Variants in UBE3C observed in about 807,000 individuals in gnomAD.
UBE3C encodes the protein ubiquitin protein ligase E3C.
UBE3C carries 42 observed loss-of-function variants against 129.4 expected under a neutral mutation model. The ratio of observed to expected loss-of-function variants is 0.32; its 90% CI spans 0.25 to 0.42. The LOEUF (loss-of-function observed/expected upper bound fraction) is 0.42, where lower values mean the gene tolerates loss of function less well. Ranked by LOEUF, UBE3C falls within the 10% of genes least tolerant of loss-of-function variation. UBE3C has a pLI of 1.00. For missense variants in UBE3C, 1,049 were observed against 1,319.1 expected, an observed-to-expected ratio of 0.80 and a Z score of 3.17; for synonymous variants, 510 against 492.4, an observed-to-expected ratio of 1.04 and a Z score of -0.47.
chr7:157,225,688 C>A, intron 17 of UBE3C, 149 bp downstream of exon 17: 1 of 927,008 alleles, frequency 1.1e-6, no homozygotes, highest in Non-Finnish European at 1.5e-6. Context: ...GCAGCTCACA[C>A]CTATAATCCC....
chr7:157,224,189 A>G (rs1198208113), intron 16 of UBE3C, among the ~76,000 whole-genome samples: 4 of 151,324 alleles, frequency 2.6e-5, no homozygotes. Flanking sequence ...ACACTACTTT[A>G]TTTTTTTTGT....
chr7:157,208,055 CTTTTTTTTTTTTTTTTTT>C lies in UBE3C; in HGVS notation c.1809+140_1809+157del, dbSNP rs35366316. On this transcript the variant is annotated intron_variant, in intron 13 of 22. Coordinates refer to ENST00000348165, the MANE Select transcript of UBE3C (RefSeq NM_014671.3). ...TTCAGACATGTTTTAATTTGCAAGA[CTTTTTTTTTTTTTTTTTT>C]TTTTTTTTTTTTTTTTTTTGATACA... The C allele has an allele frequency of 4.3e-3, 398 of 93,638 alleles. 4 individuals carry two copies. The highest frequency in any genetic ancestry group is 8.4e-3 in the Non-Finnish European group (327 of 39,098). 5.8% of individuals were successfully genotyped at this position (93,638 alleles called of 1,614,324 possible). A position where few individuals can be genotyped will look rare whatever the true frequency, so the allele number is the denominator to read the frequency against.
intron 1 of UBE3C, among the ~76,000 whole-genome samples, chr7:157,140,664 A>C (rs1247069316): frequency 6.6e-6 from 1 of 152,162 alleles, no homozygotes; most frequent in Non-Finnish European, 1.5e-5. Context: ...CTAGTGGCAG[A>C]CCATCTGAGA....
intron 13 of UBE3C, among the ~76,000 whole-genome samples, chr7:157,215,233 G>C (rs953876153): frequency 2.0e-5 from 3 of 152,028 alleles, no homozygotes; most frequent in African/African-American, 4.8e-5. Context: ...GTCATTCAAG[G>C]GGTGTCCACA....
At chr7:157,182,062 A>G in intron 7 of UBE3C, 46 bp from the exon 8 acceptor site, 1 of 1,485,162 alleles carries the variant, frequency 6.7e-7, no homozygotes, top group Non-Finnish European at 9.0e-7. Flanking sequence ...GATTGGATGG[A>G]CAGTATAATT....
At chr7:157,197,506 T>C in intron 10 of UBE3C, 2 of 816,484 alleles carry the variant, frequency 2.4e-6, no homozygotes, top group South Asian at 2.8e-5. Context: ...ATAAAAATAA[T>C]TTGTTTTTTT....
intron 1 of UBE3C, among the ~76,000 whole-genome samples, chr7:157,145,196 G>C (rs1250551809): frequency 6.6e-6 from 1 of 151,752 alleles, no homozygotes; most frequent in East Asian, 1.9e-4. Context: ...AGCCTGGATT[G>C]TGCCAGCGCA....
chr7:157,197,394 A>C (rs796990999), intron 10 of UBE3C, among the ~76,000 whole-genome samples: 73 of 152,200 alleles, frequency 4.8e-4, no homozygotes, highest in African/African-American at 1.5e-3. Context: ...TCAACTAAAA[A>C]CTCAAACATA....
chr7:157,211,804 T>C (rs920351496), intron 13 of UBE3C, among the ~76,000 whole-genome samples: 1 of 152,148 alleles, frequency 6.6e-6, no homozygotes, highest in African/African-American at 2.4e-5. Context: ...TAAGGGATCA[T>C]AAATGAATTC....
Position 157,267,687 on chromosome 7 carries a change from G to C in UBE3C, c.3184G>C (p.Asp1062His). ...MNLLKLPEFY[D>H]ETLLRSKLLY... ...CCTGCTGAAGCTCCCCGAGTTCTATGACGAGACACTTTTGCGAAGTAAACT... is the reference window on the plus strand; with the variant it reads ...CCTGCTGAAGCTCCCCGAGTTCTATCACGAGACACTTTTGCGAAGTAAACT... Residue 1062 changes from aspartate to histidine, a missense_variant, in exon 23 of 23, where the codon GAC (aspartate) becomes CAC (histidine). Asp to His is a moderately conservative substitution (Grantham distance 81). Around this residue, in one of 4 missense-constraint regions of UBE3C, gnomAD observed 243 missense variants for 368.7 expected, o/e 0.66. Coordinates refer to ENST00000348165, the MANE Select transcript of UBE3C (RefSeq NM_014671.3). The C allele has an allele frequency of 6.2e-7, 1 of 1,613,652 alleles. No individual in the cohort carries two copies.
intron 7 of UBE3C, 35 bp downstream of exon 7, chr7:157,181,706 T>C: frequency 6.2e-7 from 1 of 1,605,632 alleles, no homozygotes; most frequent in Non-Finnish European, 8.5e-7. Context: ...TTTTGTCCTT[T>C]CACAAGATCT....
At chr7:157,263,541 A>G (rs1242543054) in intron 22 of UBE3C, among the ~76,000 whole-genome samples, 2 of 151,992 alleles carry the variant, frequency 1.3e-5, no homozygotes, top group South Asian at 2.1e-4. Flanking sequence ...ATGGGCACAT[A>G]TAGTCCCAGC....
intron 21 of UBE3C, among the ~76,000 whole-genome samples, chr7:157,254,845 G>T (rs754386726): frequency 3.3e-5 from 5 of 152,134 alleles, no homozygotes; most frequent in Non-Finnish European, 7.4e-5. Flanking sequence ...TTTGAAACCA[G>T]CCTGGGCAAT....
At position 157,267,866 on chromosome 7, in the gene UBE3C, CCTT is replaced by C. The variant is rs202090604; in HGVS notation, c.*115_*117del. 0.017 allele frequency: 15,582 copies of C among 894,504 alleles called. 187 individuals carry two copies. The highest frequency in any genetic ancestry group is 0.046 in the Admixed American group (1,407 of 30,912). 55.4% of individuals were successfully genotyped at this position (894,504 alleles called of 1,614,324 possible). A position where few individuals can be genotyped will look rare whatever the true frequency, so the allele number is the denominator to read the frequency against. Reference sequence around the variant, plus strand: ...TGCACGCCTGAGGCTCTCCTAAGCTCCTTCTTTCATTCTGCCATTCCTCCCTCC... The same window carrying C: ...TGCACGCCTGAGGCTCTCCTAAGCTCCTTTCATTCTGCCATTCCTCCCTCC... On this transcript the variant is annotated 3_prime_UTR_variant, in exon 23 of 23. Transcript: ENST00000348165.
chr7:157,192,916 C>T, intron 10 of UBE3C: 2 of 666,412 alleles, frequency 3.0e-6, no homozygotes, highest in East Asian at 2.6e-5. Flanking sequence ...GTAGTGAATG[C>T]CACTTTCCCC....
At chr7:157,216,389 T>C (rs1412297265) in intron 13 of UBE3C, among the ~76,000 whole-genome samples, 4 of 151,632 alleles carry the variant, frequency 2.6e-5, no homozygotes, top group Admixed American at 2.6e-4. Flanking sequence ...TGGGGGTACA[T>C]GTGAAGTTTT....
chr7:157,158,050 CTTTTTTTTTT>C (rs60257662), intron 1 of UBE3C, among the ~76,000 whole-genome samples: 25 of 101,122 alleles, frequency 2.5e-4, no homozygotes, highest in South Asian at 2.2e-3. Context: ...CTCTTTTTTC[CTTTTTTTTTT>C]TTTTTTTTTT....
At chr7:157,219,181 C>G (rs1229018182) in intron 14 of UBE3C, among the ~76,000 whole-genome samples, 1 of 152,138 alleles carries the variant, frequency 6.6e-6, no homozygotes, top group African/African-American at 2.4e-5. Flanking sequence ...GTTGGCCTCC[C>G]AGGAGAGGAG....
intron 10 of UBE3C, among the ~76,000 whole-genome samples, chr7:157,189,877 T>A (rs1473436171): frequency 1.3e-5 from 2 of 152,192 alleles, no homozygotes; most frequent in Admixed American, 6.5e-5. Flanking sequence ...CTCGGCTCAC[T>A]GCAACCTCCA....
Sources: allele counts gnomAD v4.1 joint callset (sites outside exome capture counted in the v4.1 genomes callset), GRCh38; gene constraint gnomAD v4.1.1; regional missense constraint gnomAD v4.1.1; transcripts MANE v1.5; gene names NCBI Gene and HGNC (gene_info 2026-07-23, HGNC 2026-07-21).